PRKG1: variants seen among roughly 807,000 people sequenced by gnomAD.
PRKG1 encodes protein kinase cGMP-dependent 1.
A neutral mutation model predicts 88.1 loss-of-function variants in PRKG1; 35 were observed. That is an observed-to-expected ratio of 0.40 (90% confidence interval 0.30 to 0.53). The LOEUF (loss-of-function observed/expected upper bound fraction) is 0.53. PRKG1 is among the 20% of genes least tolerant of loss of function. The pLI is 0.59. For synonymous variants in PRKG1, 303 were observed against 292.5 expected, an observed-to-expected ratio of 1.04 and a Z score of -0.37; for missense variants, 540 against 839.8, an observed-to-expected ratio of 0.64 and a Z score of 4.41.
At chr10:51,285,038 C>A (rs1366465869) in intron 2 of PRKG1, among the ~76,000 whole-genome samples, 3 of 2,432 alleles carry the variant, frequency 1.2e-3, no homozygotes, top group African/African-American at 4.5e-3. Flanking sequence ...AATGCTACCC[C>A]TCCCGCCCTC....
chr10:51,886,577 G>A (rs953026582), intron 4 of PRKG1, among the ~76,000 whole-genome samples: 4 of 152,108 alleles, frequency 2.6e-5, no homozygotes, highest in African/African-American at 7.2e-5. Flanking sequence ...GCAACTTGGA[G>A]GATATTTGTC....
intron 9 of PRKG1, among the ~76,000 whole-genome samples, chr10:52,244,241 G>T (rs1840945157): frequency 6.6e-6 from 1 of 151,892 alleles, no homozygotes; most frequent in Non-Finnish European, 1.5e-5. Context: ...AGGTACTTTA[G>T]AAAATTTTTT....
intron 2 of PRKG1, among the ~76,000 whole-genome samples, chr10:51,406,336 A>C (rs1837913227): frequency 6.6e-6 from 1 of 152,156 alleles, no homozygotes; most frequent in Non-Finnish European, 1.5e-5. Flanking sequence ...TAAGATTTCA[A>C]ACTCTTTTTT....
At chr10:51,550,467 A>C (rs1028904680) in intron 3 of PRKG1, among the ~76,000 whole-genome samples, 1 of 151,992 alleles carries the variant, frequency 6.6e-6, no homozygotes. Flanking sequence ...ACTATCTGAG[A>C]TGACCATGGT....
At chr10:51,452,895 A>G (rs1839476757) in intron 2 of PRKG1, among the ~76,000 whole-genome samples, 2 of 152,024 alleles carry the variant, frequency 1.3e-5, no homozygotes, top group Admixed American at 1.3e-4. Flanking sequence ...TGTCTGATAG[A>G]ATTCAGCTGT....
At chr10:51,052,845 A>G (rs1843580658) in intron 1 of PRKG1, among the ~76,000 whole-genome samples, 1 of 152,206 alleles carries the variant, frequency 6.6e-6, no homozygotes, top group African/African-American at 2.4e-5. Context: ...GTTTTTCTAT[A>G]TAAAGGGTCT....
At chr10:51,275,191 A>G (rs1234229764) in intron 2 of PRKG1, among the ~76,000 whole-genome samples, 2 of 152,220 alleles carry the variant, frequency 1.3e-5, no homozygotes, top group Non-Finnish European at 2.9e-5. Context: ...ATAAAGTCCT[A>G]TGTTTTTTCC....
At chr10:51,249,923 A>C (rs1001587417) in intron 2 of PRKG1, among the ~76,000 whole-genome samples, 1 of 151,856 alleles carries the variant, frequency 6.6e-6, no homozygotes, top group African/African-American at 2.4e-5. Flanking sequence ...AGTGCCTTTA[A>C]AAGCGTAAGT....
At chr10:51,256,646 G>A (rs1839567230) in intron 2 of PRKG1, among the ~76,000 whole-genome samples, 1 of 152,076 alleles carries the variant, frequency 6.6e-6, no homozygotes, top group African/African-American at 2.4e-5. Context: ...AGGAGGAGTA[G>A]AACATAGACA....
At chr10:51,840,339 T>C (rs2132774632) in intron 4 of PRKG1, among the ~76,000 whole-genome samples, 1 of 152,240 alleles carries the variant, frequency 6.6e-6, no homozygotes, top group East Asian at 1.9e-4. Context: ...AAAAGATTTG[T>C]TGTGTTCTTA....
intron 2 of PRKG1, among the ~76,000 whole-genome samples, chr10:51,386,676 T>G (rs1394944143): frequency 1.3e-5 from 2 of 152,194 alleles, no homozygotes; most frequent in Non-Finnish European, 2.9e-5. Flanking sequence ...AATGTTAATC[T>G]TATCCAGAAA....
intron 3 of PRKG1, among the ~76,000 whole-genome samples, chr10:51,540,381 G>A (rs10740285): frequency 0.72 from 109,923 of 152,090 alleles, 40,725 homozygotes; most frequent in East Asian, 0.98. Context: ...CAACTGAAAA[G>A]TTTCAGGATA....
chr10:51,415,985 G>A (rs887483244), intron 2 of PRKG1, among the ~76,000 whole-genome samples: 1 of 151,384 alleles, frequency 6.6e-6, no homozygotes, highest in African/African-American at 2.4e-5. Flanking sequence ...ATATACACAG[G>A]CACCACAAAG....
chr10:51,945,571 C>T (rs1157918692), intron 5 of PRKG1, among the ~76,000 whole-genome samples: 9 of 152,018 alleles, frequency 5.9e-5, no homozygotes, highest in Non-Finnish European at 1.5e-5. Context: ...TACAATTTGG[C>T]ATGATTTTGC....
chr10:51,810,392 T>C (rs1278337662), intron 4 of PRKG1, among the ~76,000 whole-genome samples: 1 of 152,128 alleles, frequency 6.6e-6, no homozygotes, highest in Non-Finnish European at 1.5e-5. Flanking sequence ...AATCCAAAAC[T>C]GATGTCCCTC....
At chr10:52,280,691 T>C in intron 12 of PRKG1, 98 bp from the exon 13 acceptor site, 1 of 1,340,476 alleles carries the variant, frequency 7.5e-7, no homozygotes, top group Admixed American at 2.2e-5. Context: ...CTGGGTTAAA[T>C]TTTGGCAAAG....
intron 12 of PRKG1, among the ~76,000 whole-genome samples, chr10:52,278,545 A>G (rs1841925736): frequency 6.6e-6 from 1 of 152,156 alleles, no homozygotes; most frequent in Admixed American, 6.6e-5. Flanking sequence ...AATAGCAAAG[A>G]CTTGGACCCA....
chr10:51,698,396 A>C, intron 3 of PRKG1: 1 of 1,613,992 alleles, frequency 6.2e-7, no homozygotes, highest in Non-Finnish European at 8.5e-7. Flanking sequence ...GGGATCTCCT[A>C]ATGGCCCTCC....
At chr10:52,186,818 T>C (rs747587171) in intron 9 of PRKG1, among the ~76,000 whole-genome samples, 8 of 152,084 alleles carry the variant, frequency 5.3e-5, no homozygotes, top group Non-Finnish European at 1.0e-4. Flanking sequence ...ACACTAAAAT[T>C]ACATTAGTAT....
Sources: allele counts gnomAD v4.1 joint callset (sites outside exome capture counted in the v4.1 genomes callset), GRCh38; gene constraint gnomAD v4.1.1; transcripts MANE v1.5; gene names NCBI Gene and HGNC (gene_info 2026-07-23, HGNC 2026-07-21).